The following VCPIP1 variants were observed in gnomAD, a reference collection of about 807,000 sequenced individuals.
VCPIP1 encodes valosin containing protein interacting protein 1, also known as deubiquitinating protein VCPIP1.
VCPIP1 carries 8 observed loss-of-function variants against 85.0 expected under a neutral mutation model. The ratio of observed to expected loss-of-function variants is 0.09; its 90% CI spans 0.06 to 0.17. The LOEUF (loss-of-function observed/expected upper bound fraction) is 0.17, where lower values mean the gene tolerates loss of function less well. Ranked by LOEUF, VCPIP1 falls within the 10% of genes least tolerant of loss-of-function variation. VCPIP1 has a pLI of 1.00. For synonymous variants in VCPIP1, 543 were observed against 544.5 expected (o/e 1.00, Z 0.04); for missense variants, 1,070 against 1,486.3 (o/e 0.72, Z 4.61).
intron 1 of VCPIP1, among the ~76,000 whole-genome samples, chr8:66,657,067 G>A (rs761954490): frequency 1.1e-4 from 17 of 151,458 alleles, no homozygotes; most frequent in South Asian, 8.4e-4. Context: ...CACCACTCCC[G>A]GCTAATTTTG....
chr8:66,658,201 G>A (rs1811118381), intron 1 of VCPIP1, among the ~76,000 whole-genome samples: 1 of 151,918 alleles, frequency 6.6e-6, no homozygotes, highest in African/African-American at 2.4e-5. Context: ...AGGTGTTGTG[G>A]CAGGCGCCTG....
intron 1 of VCPIP1, among the ~76,000 whole-genome samples, chr8:66,661,506 C>T (rs1188736355): frequency 2.0e-5 from 3 of 151,930 alleles, no homozygotes; most frequent in African/African-American, 4.8e-5. Context: ...GAGGCCGAGG[C>T]GGGCGGTTCA....
intron 1 of VCPIP1, among the ~76,000 whole-genome samples, chr8:66,655,956 A>C (rs1165029276): frequency 6.6e-6 from 1 of 152,110 alleles, no homozygotes; most frequent in Non-Finnish European, 1.5e-5. Context: ...CATAACCTTC[A>C]ATCTTCTACC....
At position 66,630,173 on chromosome 8, in the gene VCPIP1, C is replaced by T. The variant is rs1345899293; in HGVS notation, c.*4328G>A. The T allele has an allele frequency of 3.3e-5, 5 of 152,098 alleles. No individual in the cohort carries two copies. Among genetic ancestry groups the T allele is most frequent in the Non-Finnish European group, 7.4e-5 (5 of 68,026 alleles). 9.4% of individuals were successfully genotyped at this position (152,098 alleles called of 1,614,324 possible). On this transcript the variant is annotated 3_prime_UTR_variant, in exon 3 of 3. Transcript: ENST00000310421. Reference sequence around the variant, plus strand: ...GTGTGCTGTAGAACACTATAATACACTATTACCAATTATTCATTACTCAAA... The same window carrying T: ...GTGTGCTGTAGAACACTATAATACATTATTACCAATTATTCATTACTCAAA...
At chr8:66,641,405 C>A (rs931259105) in intron 2 of VCPIP1, among the ~76,000 whole-genome samples, 2 of 152,056 alleles carry the variant, frequency 1.3e-5, no homozygotes, top group Non-Finnish European at 2.9e-5. Flanking sequence ...GAGTTTCCCT[C>A]TATCACCCAG....
rs1182729637 is a variant in VCPIP1, at chr8:66,634,364, C to G, written c.*137G>C. On this transcript the variant is annotated 3_prime_UTR_variant, in exon 3 of 3. Coordinates refer to ENST00000310421, the MANE Select transcript of VCPIP1 (RefSeq NM_025054.5). ...CTATGGCCAATCACACACTTGCTAT[C>G]ATGCACTGAATAACAAGATATAATC... 3 of 1,033,430 alleles carry G rather than the reference C, an allele frequency of 2.9e-6. No individual in the cohort carries two copies. Among genetic ancestry groups the G allele is most frequent in the Middle Eastern group, 2.9e-4 (1 of 3,438 alleles). The allele number at this position is 1,033,430 out of a possible 1,614,324, so 64.0% of individuals were successfully genotyped here.
At chr8:66,648,943 T>C (rs1292108028) in intron 2 of VCPIP1, among the ~76,000 whole-genome samples, 1 of 152,010 alleles carries the variant, frequency 6.6e-6, no homozygotes, top group African/African-American at 2.4e-5. Flanking sequence ...GAAGATCACC[T>C]GAGCTCAGGA....
rs148659159 is a variant in VCPIP1, at chr8:66,664,717, G to A, written c.2242C>T (p.Pro748Ser). The change falls in exon 1 of 3, where the codon CCC becomes TCC. Residue 748 changes from proline (P) to serine (S), a missense_variant. By Grantham distance (74) the Pro-to-Ser change is moderately conservative. Transcript: ENST00000310421. ...EQKGQPRTVS[P>S]STIRDGPSSA... Reference sequence around the variant, plus strand: ...GATGGACCATCACGAATGGTACTGGGAGAAACAGTCCTGGGTTGCCCTTTT... The same window carrying A: ...GATGGACCATCACGAATGGTACTGGAAGAAACAGTCCTGGGTTGCCCTTTT... The A allele has an allele frequency of 2.6e-4, 418 of 1,613,894 alleles. No homozygotes were observed. The highest frequency in any genetic ancestry group is 3.4e-4 in the Non-Finnish European group (398 of 1,179,938).
intron 2 of VCPIP1, among the ~76,000 whole-genome samples, chr8:66,649,005 TA>T (rs890519688): frequency 6.6e-6 from 1 of 151,714 alleles, no homozygotes; most frequent in Admixed American, 6.6e-5. Context: ...ACAAAAAATG[TA>T]AAAAAAATTA....
intron 1 of VCPIP1, among the ~76,000 whole-genome samples, chr8:66,657,707 T>C (rs1811113809): frequency 6.6e-6 from 1 of 152,172 alleles, no homozygotes; most frequent in Non-Finnish European, 1.5e-5. Flanking sequence ...ATCTGGGGAG[T>C]ACAAATGTTA....
intron 1 of VCPIP1, among the ~76,000 whole-genome samples, chr8:66,662,222 T>G (rs1811164837): frequency 6.6e-6 from 1 of 152,172 alleles, no homozygotes; most frequent in Non-Finnish European, 1.5e-5. Flanking sequence ...GTGTTACGAA[T>G]AGATGCCTGA....
At chr8:66,656,025 A>G (rs2130173867) in intron 1 of VCPIP1, among the ~76,000 whole-genome samples, 1 of 152,148 alleles carries the variant, frequency 6.6e-6, no homozygotes, top group South Asian at 2.1e-4. Flanking sequence ...TGGTTTATCC[A>G]ATTTTTTTCC....
intron 1 of VCPIP1, among the ~76,000 whole-genome samples, chr8:66,655,086 C>T (rs975199023): frequency 2.0e-5 from 3 of 152,154 alleles, no homozygotes; most frequent in African/African-American, 7.2e-5. Flanking sequence ...GGTAGGTACC[C>T]TTGTTTGATG....
At chr8:66,664,023 T>C (rs963869197) in intron 1 of VCPIP1, among the ~76,000 whole-genome samples, 4 of 152,224 alleles carry the variant, frequency 2.6e-5, no homozygotes, top group African/African-American at 9.7e-5. Flanking sequence ...AAATAATCTG[T>C]TGACTATTAT....
In VCPIP1 at chr8:66,665,136, T is replaced by C. The variant is rs987286106; in HGVS notation, c.1823A>G (p.Tyr608Cys). Reference sequence around the variant, plus strand: ...TGAATCACTTTCATACTGGAACCAATATACTGTTTCTCTGACCACTCTTCC... The same window carrying C: ...TGAATCACTTTCATACTGGAACCAACATACTGTTTCTCTGACCACTCTTCC... ...WGGRVVRETV[Y>C]WFQYESDSSL... Residue 608 changes from tyrosine to cysteine, a missense_variant, in exon 1 of 3, where the codon TAT becomes TGT. Around this residue, in one of 8 missense-constraint regions of VCPIP1, gnomAD observed 123 missense variants for 156.3 expected, o/e 0.79. Transcript: ENST00000310421. The surrounding 1 kb of genome is among the most constrained non-coding windows in gnomAD (Gnocchi z 4.3). 5.0e-6 allele frequency: 8 copies of C among 1,612,368 alleles called. No homozygotes were observed. The highest frequency in any genetic ancestry group is 5.9e-6 in the Non-Finnish European group (7 of 1,178,872).
chr8:66,658,163 G>A (rs572765534), intron 1 of VCPIP1, among the ~76,000 whole-genome samples: 98 of 151,930 alleles, frequency 6.5e-4, no homozygotes, highest in Non-Finnish European at 1.2e-3. Context: ...GTGAAACCCC[G>A]TCTCTACTAA....
chr8:66,646,533 C>A (rs190413653), intron 2 of VCPIP1, among the ~76,000 whole-genome samples: 2 of 152,220 alleles, frequency 1.3e-5, no homozygotes, highest in African/African-American at 2.4e-5. Context: ...CGGTGGTTCA[C>A]GCCTGTAATC....
chr8:66,656,069 T>G (rs1811097114), intron 1 of VCPIP1, among the ~76,000 whole-genome samples: 1 of 152,154 alleles, frequency 6.6e-6, no homozygotes, highest in South Asian at 2.1e-4. Flanking sequence ...TTGTTTAAAA[T>G]ATGTTAAAAT....
chr8:66,658,907 G>A lies in VCPIP1; in HGVS notation c.2710+5342C>T, dbSNP rs533871763. 5.3e-5 allele frequency among the ~76,000 whole-genome samples: 8 copies of A among 152,256 alleles called. No individual in the cohort carries two copies. The East Asian group carries it at 1.5e-3, about 29-fold the overall frequency. ...CACAATTCTTTCAGGAACAGAGAAA[G>A]TATATCAAAATGAAACAAGTTTCTC... On this transcript the variant is annotated intron_variant, in intron 1 of 2. Coordinates refer to ENST00000310421, the MANE Select transcript of VCPIP1 (RefSeq NM_025054.5).
Sources: allele counts gnomAD v4.1 joint callset (sites outside exome capture counted in the v4.1 genomes callset), GRCh38; gene constraint gnomAD v4.1.1; regional missense constraint gnomAD v4.1.1; non-coding constraint Gnocchi (gnomAD v3.1); transcripts MANE v1.5; gene names NCBI Gene and HGNC (gene_info 2026-07-23, HGNC 2026-07-21).